Variants in HMCN1 observed in about 807,000 individuals in gnomAD.
The protein encoded by HMCN1 is hemicentin 1.
A neutral mutation model predicts 625.9 loss-of-function variants in HMCN1; 321 were observed. The ratio of observed to expected loss-of-function variants is 0.51; its 90% confidence interval spans 0.47 to 0.56. The LOEUF is 0.56. Ranked by LOEUF, HMCN1 falls within the 20% of genes least tolerant of loss-of-function variation. The pLI, the probability that HMCN1 is intolerant of heterozygous loss-of-function variation, is 0.00. For synonymous variants in HMCN1, 2,425 were observed against 2,417.6 expected, an observed-to-expected ratio of 1.00 and a Z score of -0.09; for missense variants, 6,588 against 6,887.3, an observed-to-expected ratio of 0.96 and a Z score of 1.54.
intron 1 of HMCN1, among the ~76,000 whole-genome samples, chr1:185,772,313 A>G (rs764109465): frequency 1.3e-5 from 2 of 152,200 alleles, no homozygotes; most frequent in Non-Finnish European, 2.9e-5. Flanking sequence ...TCAAAACTGG[A>G]GGAAAGCCTA....
intron 4 of HMCN1, among the ~76,000 whole-genome samples, chr1:185,877,093 G>A (rs889752750): frequency 4.0e-5 from 6 of 151,800 alleles, no homozygotes; most frequent in African/African-American, 1.5e-4. Flanking sequence ...TATATTGTAA[G>A]AGATACAAAG....
chr1:186,138,501 A>G (rs16824945), intron 89 of HMCN1, among the ~76,000 whole-genome samples: 6,211 of 152,288 alleles, frequency 0.041, 264 homozygotes, highest in African/African-American at 0.11. Context: ...AACAAGTCCA[A>G]GTAGAAAATT....
chr1:186,089,677 A>G (rs994275787), intron 63 of HMCN1, among the ~76,000 whole-genome samples: 6 of 151,942 alleles, frequency 3.9e-5, no homozygotes, highest in Admixed American at 2.6e-4. Flanking sequence ...ATTTTACCAG[A>G]TTTTTATATA....
In HMCN1 at chr1:185,998,801, G is replaced by C. The variant is rs139769354; in HGVS notation, c.3875-1244G>C. On this transcript the variant is annotated intron_variant, in intron 25 of 106. Coordinates refer to ENST00000271588, the MANE Select transcript of HMCN1 (RefSeq NM_031935.3). Reference sequence around the variant, plus strand: ...GTTGTTCTATCATTTAAAAATTAAAGACAATGCAATTTCTTTCTTTTGTTT... The same window carrying C: ...GTTGTTCTATCATTTAAAAATTAAACACAATGCAATTTCTTTCTTTTGTTT... Among the ~76,000 whole-genome samples the C allele has an allele frequency of 1.3e-3, 196 of 152,080 alleles. 2 individuals carry two copies. Among genetic ancestry groups the C allele is most frequent in the African/African-American group, 4.6e-3 (189 of 41,472 alleles).
At chr1:186,117,709 A>G (rs1013041331) in intron 77 of HMCN1, 86 bp downstream of exon 77, 7 of 1,296,428 alleles carry the variant, frequency 5.4e-6, no homozygotes, top group Non-Finnish European at 7.8e-6. Context: ...GCACCAGAAT[A>G]AAAGAATAAA....
chr1:186,036,734 G>A (rs1247176133), intron 36 of HMCN1, among the ~76,000 whole-genome samples: 1 of 151,888 alleles, frequency 6.6e-6, no homozygotes, highest in Non-Finnish European at 1.5e-5. Context: ...GGGATTACAG[G>A]CGCCCACCAC....
intron 93 of HMCN1, among the ~76,000 whole-genome samples, chr1:186,148,365 G>A (rs1259141530): frequency 1.3e-5 from 2 of 152,000 alleles, no homozygotes; most frequent in African/African-American, 2.4e-5. Context: ...CCAATATCCT[G>A]TTAATATTGA....
chr1:185,937,322 C>T (rs1254013999), intron 11 of HMCN1, among the ~76,000 whole-genome samples: 1 of 152,118 alleles, frequency 6.6e-6, no homozygotes, highest in Non-Finnish European at 1.5e-5. Context: ...AAGATCCAGA[C>T]TGGGGCATCT....
intron 48 of HMCN1, among the ~76,000 whole-genome samples, chr1:186,063,447 A>G (rs868286269): frequency 0.016 from 1,700 of 108,148 alleles, 37 homozygotes; most frequent in South Asian, 0.05. Context: ...AGGGACGGAG[A>G]GAGAAGGAAG....
intron 11 of HMCN1, among the ~76,000 whole-genome samples, chr1:185,956,470 T>C (rs994306273): frequency 6.6e-6 from 1 of 152,280 alleles, no homozygotes. Context: ...TACTCATTTA[T>C]TATAAAGGAT....
intron 93 of HMCN1, among the ~76,000 whole-genome samples, chr1:186,146,214 G>T (rs1452760594): frequency 6.6e-6 from 1 of 152,148 alleles, no homozygotes; most frequent in South Asian, 2.1e-4. Context: ...CTGAAGGTAA[G>T]GTGGGGCAGT....
At chr1:185,755,432 C>T (rs1354017953) in intron 1 of HMCN1, among the ~76,000 whole-genome samples, 3 of 152,198 alleles carry the variant, frequency 2.0e-5, no homozygotes, top group Admixed American at 1.3e-4. Context: ...GACCAAGAAA[C>T]ATCACAATCG....
chr1:185,742,119 C>A (rs1340883812), intron 1 of HMCN1, among the ~76,000 whole-genome samples: 1 of 152,108 alleles, frequency 6.6e-6, no homozygotes, highest in Non-Finnish European at 1.5e-5. Flanking sequence ...TACTTGTGTT[C>A]TTTTTCTTAT....
At chr1:186,006,587 G>A (rs970771789) in intron 29 of HMCN1, among the ~76,000 whole-genome samples, 4 of 151,676 alleles carry the variant, frequency 2.6e-5, no homozygotes, top group African/African-American at 4.8e-5. Flanking sequence ...GATTATGTAA[G>A]CATTTGTATT....
chr1:185,963,828 G>A lies in HMCN1; in HGVS notation c.2031G>A (p.Gly677=). The change falls in exon 13 of 107, where the codon GGG becomes GGA. Residue 677 remains glycine, a synonymous_variant. Transcript: ENST00000271588. ...AAAATGCAGCTCCCAAAGATGCAGGGATCTATGGTTGCCTAGCAAGTAATT... is the reference window on the plus strand; with the variant it reads ...AAAATGCAGCTCCCAAAGATGCAGGAATCTATGGTTGCCTAGCAAGTAATT... The part of the protein sequence containing the change: ...FIKNAAPKDA[G]IYGCLASNSA... 6.2e-7 allele frequency: 1 copy of A among 1,607,818 alleles called. No individual in the cohort carries two copies. The highest frequency in any genetic ancestry group is 8.5e-7 in the Non-Finnish European group (1 of 1,174,592).
Position 186,015,197 on chromosome 1 carries a change from A to C in HMCN1, c.4669A>C (p.Ile1557Leu). Residue 1557 changes from isoleucine (I) to leucine (L), a missense_variant, in exon 31 of 107, where the codon ATA becomes CTA. Transcript: ENST00000271588. ...SIKGGNVTTDISVLINSLIKL... is the reference protein window; with the variant it reads ...SIKGGNVTTDLSVLINSLIKL... ...TAAAGGAGGAAATGTCACCACAGAC[A>C]TATCAGTATTGATCAACAGCCTTAT... is the stretch of plus-strand genomic sequence containing the variant. The C allele has an allele frequency of 6.2e-7, 1 of 1,613,684 alleles. No individual in the cohort carries two copies.
At chr1:185,915,567 T>C (rs930895384) in intron 6 of HMCN1, among the ~76,000 whole-genome samples, 1 of 152,014 alleles carries the variant, frequency 6.6e-6, no homozygotes, top group Non-Finnish European at 1.5e-5. Context: ...CTTTAGATAA[T>C]CTCCCAAGTA....
intron 23 of HMCN1, among the ~76,000 whole-genome samples, chr1:185,993,890 T>C (rs1347037361): frequency 3.3e-5 from 5 of 152,120 alleles, no homozygotes. Context: ...TGAGATAGGA[T>C]TGATCTGATT....
chr1:185,857,231 G>A (rs796308375), intron 2 of HMCN1, among the ~76,000 whole-genome samples: 6 of 152,196 alleles, frequency 3.9e-5, no homozygotes, highest in African/African-American at 1.4e-4. Context: ...CTTAGTACAC[G>A]TTTTTCTATC....
Sources: gnomAD v4.1 joint callset for allele counts (sites outside exome capture counted in the v4.1 genomes callset) on GRCh38, gnomAD v4.1.1 for gene constraint, MANE v1.5 for transcripts, NCBI Gene and HGNC (gene_info 2026-07-23, HGNC 2026-07-21) for gene names.